Variants in KIRREL1 observed in about 807,000 individuals in gnomAD.
KIRREL1 encodes kirre like nephrin family adhesion molecule 1.
KIRREL1 carries 25 observed loss-of-function variants against 83.3 expected under a neutral mutation model. That is an observed-to-expected ratio of 0.30 (90% CI 0.22 to 0.42). KIRREL1 has a LOEUF of 0.42. KIRREL1 is among the 10% of genes least tolerant of loss of function. The probability of loss-of-function intolerance (pLI) is 1.00; values close to 1 mark genes in which losing one functional copy is unlikely to be tolerated. For synonymous variants in KIRREL1, 388 were observed against 410.4 expected, an observed-to-expected ratio of 0.95 and a Z score of 0.66; for missense variants, 812 against 1,032.3, an observed-to-expected ratio of 0.79 and a Z score of 2.92.
intron 1 of KIRREL1, among the ~76,000 whole-genome samples, chr1:158,001,297 G>C (rs529219595): frequency 1.3e-5 from 2 of 152,190 alleles, no homozygotes; most frequent in Non-Finnish European, 2.9e-5. Context: ...GCCCTTGAAG[G>C]TCTCACTTTG....
intron 1 of KIRREL1, among the ~76,000 whole-genome samples, chr1:158,062,661 G>A (rs945407240): frequency 1.3e-5 from 2 of 152,240 alleles, no homozygotes; most frequent in African/African-American, 4.8e-5. Flanking sequence ...ACACACTCAC[G>A]CTTACCTAGA....
At chr1:158,042,326 G>A (rs1247890072) in intron 1 of KIRREL1, among the ~76,000 whole-genome samples, 2 of 151,814 alleles carry the variant, frequency 1.3e-5, no homozygotes, top group South Asian at 2.1e-4. Context: ...AGATGCTCCC[G>A]GCACCAGTTG....
intron 3 of KIRREL1, among the ~76,000 whole-genome samples, chr1:158,083,000 T>C (rs1319218043): frequency 3.3e-5 from 5 of 152,154 alleles, no homozygotes; most frequent in Non-Finnish European, 5.9e-5. Context: ...ATTCAGCAAA[T>C]ATCCCTGAGC....
chr1:158,016,757 G>A (rs931331116), intron 1 of KIRREL1, among the ~76,000 whole-genome samples: 1 of 152,182 alleles, frequency 6.6e-6, no homozygotes, highest in Non-Finnish European at 1.5e-5. Context: ...AGGAACCTAC[G>A]TGTGAGTAAT....
chr1:158,001,303 C>A (rs1006117506), intron 1 of KIRREL1, among the ~76,000 whole-genome samples: 15 of 152,200 alleles, frequency 9.9e-5, no homozygotes, highest in African/African-American at 3.6e-4. Context: ...GAAGGTCTCA[C>A]TTTGTGATTT....
intron 3 of KIRREL1, among the ~76,000 whole-genome samples, chr1:158,083,630 T>C (rs1225824466): frequency 6.6e-6 from 1 of 152,112 alleles, no homozygotes; most frequent in Non-Finnish European, 1.5e-5. Context: ...CAGTGTGACA[T>C]GGAGGTTACT....
At chr1:158,002,714 G>A (rs758181590) in intron 1 of KIRREL1, among the ~76,000 whole-genome samples, 1 of 152,158 alleles carries the variant, frequency 6.6e-6, no homozygotes, top group East Asian at 1.9e-4. Flanking sequence ...AAATGCTGAA[G>A]CCTAACCGTC....
At chr1:158,077,473 C>T (rs73024652) in intron 2 of KIRREL1, among the ~76,000 whole-genome samples, 3,302 of 152,252 alleles carry the variant, frequency 0.022, 101 homozygotes, top group African/African-American at 0.069. Flanking sequence ...ACTGCTTCTG[C>T]AGGAAACCAG....
At chr1:158,043,710 G>A (rs1207102993) in intron 1 of KIRREL1, among the ~76,000 whole-genome samples, 18 of 152,190 alleles carry the variant, frequency 1.2e-4, no homozygotes, top group Non-Finnish European at 1.5e-5. Flanking sequence ...TGCTTAGGGG[G>A]AAAGAGGAAA....
At chr1:158,008,525 T>C (rs1460682082) in intron 1 of KIRREL1, among the ~76,000 whole-genome samples, 2 of 152,056 alleles carry the variant, frequency 1.3e-5, no homozygotes, top group Non-Finnish European at 2.9e-5. Flanking sequence ...CGAGAATCGC[T>C]GTGATAGGGA....
At chr1:158,061,699 C>A (rs760219041) in intron 1 of KIRREL1, among the ~76,000 whole-genome samples, 4 of 152,132 alleles carry the variant, frequency 2.6e-5, no homozygotes, top group African/African-American at 4.8e-5. Context: ...TGGGTGCCCC[C>A]AGATCAGCAG....
At position 158,097,211 on chromosome 1, in the gene KIRREL1, G is replaced by C. The variant is rs757497704; in HGVS notation, c.*2091G>C. On this transcript the variant is annotated 3_prime_UTR_variant, in exon 15 of 15. Transcript: ENST00000359209. Reference sequence around the variant, plus strand: ...GTGGGAAGGTCTGTCAAGAAATTCAGGTTCTTGTACAGACAAATTCATGCA... The same window carrying C: ...GTGGGAAGGTCTGTCAAGAAATTCACGTTCTTGTACAGACAAATTCATGCA... 1 of 369,904 alleles carries C rather than the reference G, an allele frequency of 2.7e-6. No homozygotes were observed. Among genetic ancestry groups the C allele is most frequent in the Non-Finnish European group, 5.3e-6 (1 of 189,124 alleles). 22.9% of individuals were successfully genotyped at this position (369,904 alleles called of 1,614,324 possible). A position where few individuals can be genotyped will look rare whatever the true frequency, so the allele number is the denominator to read the frequency against.
In KIRREL1 at chr1:158,096,988, C is replaced by G. The variant is rs1345243213; in HGVS notation, c.*1868C>G. On this transcript the variant is annotated 3_prime_UTR_variant, in exon 15 of 15. Transcript: ENST00000359209. ...TGGGGGGCGACATTCCTGGCCAACC[C>G]CTTGTAGGAAGGACCAGATAATACC... 4 of 456,852 alleles carry G rather than the reference C, an allele frequency of 8.8e-6. No individual in the cohort carries two copies. The highest frequency in any genetic ancestry group is 6.2e-5 in the South Asian group (4 of 64,566). The allele number at this position is 456,852 out of a possible 1,614,324, so 28.3% of individuals were successfully genotyped here.
At chr1:158,059,738 A>G (rs1264261625) in intron 1 of KIRREL1, among the ~76,000 whole-genome samples, 1 of 152,162 alleles carries the variant, frequency 6.6e-6, no homozygotes, top group Non-Finnish European at 1.5e-5. Flanking sequence ...TGTTAAGGAT[A>G]GAGGTAAAGT....
intron 1 of KIRREL1, among the ~76,000 whole-genome samples, chr1:158,045,058 G>A (rs1158906141): frequency 1.3e-5 from 2 of 152,202 alleles, no homozygotes; most frequent in Non-Finnish European, 2.9e-5. Context: ...TTAAGGGGAA[G>A]AAGCATTCCA....
At chr1:158,090,991 C>A (rs775785784) in intron 10 of KIRREL1, among the ~76,000 whole-genome samples, 6 of 152,284 alleles carry the variant, frequency 3.9e-5, no homozygotes, top group African/African-American at 1.4e-4. Flanking sequence ...TTCCCAGTGT[C>A]GGTTCAATGG....
rs534998970 is a variant in KIRREL1 at position 158,098,097 on chromosome 1, A to G, written c.*2977A>G. On this transcript the variant is annotated 3_prime_UTR_variant, in exon 15 of 15. Coordinates refer to ENST00000359209, the MANE Select transcript of KIRREL1 (RefSeq NM_018240.7). Reference sequence around the variant, plus strand: ...TCTCCTGTTCAAAGAAGCTTTCACCATGGGCTTCATTATCTTGTCAGAAGT... The same window carrying G: ...TCTCCTGTTCAAAGAAGCTTTCACCGTGGGCTTCATTATCTTGTCAGAAGT... 2.0e-5 allele frequency: 3 copies of G among 152,352 alleles called. No homozygotes were observed. The highest frequency in any genetic ancestry group is 2.1e-4 in the South Asian group (1 of 4,824). The allele number at this position is 152,352 out of a possible 1,614,324, so 9.4% of individuals were successfully genotyped here.
In KIRREL1 at chr1:158,084,393, C is replaced by T. The variant is rs1299696999; in HGVS notation, c.353-29C>T. 2.0e-6 allele frequency: 3 copies of T among 1,537,822 alleles called. 1 individual carries two copies. In the Admixed American group the frequency reaches 6.0e-5, roughly 31 times the overall value. ...TCAGGGAAGTGTTAGCCACACCCTG[C>T]ACTGACTTTGCTCTGCTTTCTCCCA... is the stretch of plus-strand genomic sequence containing the variant. On this transcript the variant is annotated intron_variant, in intron 3 of 14. Coordinates refer to ENST00000359209, the MANE Select transcript of KIRREL1 (RefSeq NM_018240.7).
At chr1:157,995,074 A>G (rs1366024596) in intron 1 of KIRREL1, among the ~76,000 whole-genome samples, 1 of 152,214 alleles carries the variant, frequency 6.6e-6, no homozygotes, top group African/African-American at 2.4e-5. Context: ...GTCCTCTTTT[A>G]GGGGGTGTCT....
Sources: allele counts gnomAD v4.1 joint callset (sites outside exome capture counted in the v4.1 genomes callset), GRCh38; gene constraint gnomAD v4.1.1; transcripts MANE v1.5; gene names NCBI Gene and HGNC (gene_info 2026-07-23, HGNC 2026-07-21).